The following CHD1L variants were observed in gnomAD, a reference collection of about 807,000 sequenced individuals.
CHD1L encodes the protein chromodomain helicase DNA binding protein 1 like.
A neutral mutation model predicts 115.9 loss-of-function variants in CHD1L; 118 were observed. That is an observed-to-expected ratio of 1.02 (90% CI 0.88 to 1.19). The LOEUF (loss-of-function observed/expected upper bound fraction) is 1.19, where lower values mean the gene tolerates loss of function less well. Ranked by LOEUF, CHD1L falls within the 50% of genes most tolerant of loss-of-function variation. CHD1L has a pLI of 0.00. For missense variants in CHD1L, 1,179 were observed against 1,065.3 expected (o/e 1.11, Z -1.49); for synonymous variants, 411 against 387.1 (o/e 1.06, Z -0.72).
the CHD1L span, among the ~76,000 whole-genome samples, chr1:147,200,485 GAAC>G: frequency 3.9e-5 from 6 of 152,046 alleles, no homozygotes; most frequent in Non-Finnish European, 8.8e-5. Flanking sequence ...CCAGTTTAGA[GAAC>G]AACAGTTGTA....
At chr1:147,193,923 C>T in the CHD1L span, among the ~76,000 whole-genome samples, 1 of 152,044 alleles carries the variant, frequency 6.6e-6, no homozygotes, top group African/African-American at 2.4e-5. Context: ...TGCTTTACTT[C>T]CAACTATGTG....
the CHD1L span, chr1:147,201,558 C>T: frequency 2.0e-3 from 2,811 of 1,414,462 alleles, 55 homozygotes; most frequent in African/African-American, 0.034. Context: ...GAAATCAGTA[C>T]CACATAAGTA....
chr1:147,264,558 A>G lies in CHD1L; in HGVS notation c.713A>G (p.Gln238Arg). ...EEVGDFIQRY[Q>R]DIEKESESAS... ...GTGGGAGATTTTATTCAACGCTACC[A>G]GGATATTGAGAAAGAATCTGAGTCA... The change falls in exon 7 of 23, where the codon CAG becomes CGG. Residue 238 changes from glutamine (Q) to arginine (R), a missense_variant. Coordinates refer to ENST00000369258, the MANE Select transcript of CHD1L (RefSeq NM_004284.6). 6.2e-7 allele frequency: 1 copy of G among 1,613,656 alleles called. No homozygotes were observed. The highest frequency in any genetic ancestry group is 8.5e-7 in the Non-Finnish European group (1 of 1,179,810).
chr1:147,173,886 A>C, the CHD1L span, among the ~76,000 whole-genome samples: 1 of 152,240 alleles, frequency 6.6e-6, no homozygotes, highest in Admixed American at 6.5e-5. Flanking sequence ...TACCTTATAC[A>C]GAGTAGGCTT....
intron 1 of CHD1L, among the ~76,000 whole-genome samples, chr1:147,244,471 A>G (rs587667685): frequency 1.3e-5 from 1 of 78,958 alleles, no homozygotes; most frequent in Admixed American, 1.6e-4. Context: ...GAGTTGGTTA[A>G]AAAAATTCTT....
chr1:147,291,709 G>A (rs115314159), intron 20 of CHD1L, among the ~76,000 whole-genome samples, 157 bp downstream of exon 20: 2,552 of 152,198 alleles, frequency 0.017, 67 homozygotes, highest in African/African-American at 0.058. Flanking sequence ...CAACAGAAAT[G>A]TATTTCCTTA....
chr1:147,255,977 A>G lies in CHD1L; in HGVS notation c.462+50A>G, dbSNP rs1553940096. 5 of 1,257,270 alleles carry G rather than the reference A, an allele frequency of 4.0e-6. No homozygotes were observed. In the South Asian group the frequency reaches 6.7e-5, roughly 17 times the overall value. The allele number at this position is 1,257,270 out of a possible 1,614,324, so 77.9% of individuals were successfully genotyped here. On this transcript the variant is annotated intron_variant, in intron 4 of 22. Coordinates refer to ENST00000369258, the MANE Select transcript of CHD1L (RefSeq NM_004284.6). ...AGAACTCCTAACCTGTGACCTTAGA[A>G]GTTGTAGAGTCTGCTGAAATTATAT...
intron 2 of CHD1L, among the ~76,000 whole-genome samples, chr1:147,253,509 A>T (rs1295352125): frequency 6.6e-6 from 1 of 152,112 alleles, no homozygotes; most frequent in Non-Finnish European, 1.5e-5. Flanking sequence ...TGCATGATTG[A>T]ACTTTTGTTT....
At position 147,271,003 on chromosome 1, in the gene CHD1L, G is replaced by A. The variant is rs782687691; in HGVS notation, c.1157G>A (p.Arg386Lys). The change falls in exon 11 of 23, where the codon AGA becomes AAA. Residue 386 changes from arginine to lysine, a missense_variant and splice_region_variant. Physicochemically the swap from Arg to Lys is conservative, Grantham distance 26. Transcript: ENST00000369258. Reference sequence around the variant, plus strand: ...ATTCTCCAAGACTATATGGATTACAGAGGTGACACCTTTTGGCCACTACAT... The same window carrying A: ...ATTCTCCAAGACTATATGGATTACAAAGGTGACACCTTTTGGCCACTACAT... ...LDILQDYMDY[R>K]GYSYERVDGS... is the part of the protein sequence containing the mutation. 51 of 1,613,612 alleles carry A rather than the reference G, an allele frequency of 3.2e-5. No individual in the cohort carries two copies. In the South Asian group the frequency reaches 5.1e-4, roughly 16 times the overall value.
intron 12 of CHD1L, among the ~76,000 whole-genome samples, chr1:147,274,562 G>A (rs1373329139): frequency 5.3e-5 from 8 of 152,156 alleles, no homozygotes; most frequent in Non-Finnish European, 1.0e-4. Context: ...GAGGGAGTCT[G>A]TTTTGTACTT....
the CHD1L span, among the ~76,000 whole-genome samples, chr1:147,236,844 C>T: frequency 6.6e-6 from 1 of 152,208 alleles, no homozygotes; most frequent in Non-Finnish European, 1.5e-5. Flanking sequence ...CATAGGCACC[C>T]AGATAAAACA....
intron 16 of CHD1L, among the ~76,000 whole-genome samples, chr1:147,285,093 A>G (rs1377931361): frequency 2.0e-5 from 3 of 152,202 alleles, no homozygotes; most frequent in Non-Finnish European, 2.9e-5. Context: ...AACCATGCCA[A>G]TGCTAGGGCT....
At chr1:147,192,890 G>A in the CHD1L span, among the ~76,000 whole-genome samples, 1 of 152,154 alleles carries the variant, frequency 6.6e-6, no homozygotes, top group Non-Finnish European at 1.5e-5. Context: ...TAAGCTTTTT[G>A]ATGAGCTGCT....
intron 1 of CHD1L, 185 bp downstream of exon 1, chr1:147,243,015 TGC>T (rs1665277019): frequency 3.1e-6 from 2 of 653,802 alleles, no homozygotes; most frequent in Non-Finnish European, 4.3e-6. Context: ...GGCCCCCGCC[TGC>T]GCGGCGCGCG....
intron 21 of CHD1L, among the ~76,000 whole-genome samples, chr1:147,294,160 G>C (rs1456805500): frequency 6.6e-6 from 1 of 152,106 alleles, no homozygotes; most frequent in African/African-American, 2.4e-5. Flanking sequence ...GAGAATCTTT[G>C]CTTATTTTAA....
chr1:147,283,367 T>C (rs1272482530), intron 15 of CHD1L, among the ~76,000 whole-genome samples: 1 of 152,218 alleles, frequency 6.6e-6, no homozygotes, highest in Non-Finnish European at 1.5e-5. Context: ...TTCACAAATA[T>C]TGTGAAAATA....
At chr1:147,226,570 T>C in the CHD1L span, among the ~76,000 whole-genome samples, 7 of 152,180 alleles carry the variant, frequency 4.6e-5, no homozygotes, top group Non-Finnish European at 1.0e-4. Flanking sequence ...TTTCAGGCAC[T>C]GGGTTAGAAC....
intron 5 of CHD1L, 183 bp from the exon 6 acceptor site, chr1:147,259,654 C>T: frequency 1.9e-6 from 1 of 522,910 alleles, no homozygotes; most frequent in Middle Eastern, 5.3e-4. Context: ...GGTTTTACTA[C>T]CTTATCCAGA....
chr1:147,271,398 G>A (rs377452253), intron 11 of CHD1L, among the ~76,000 whole-genome samples: 1 of 152,174 alleles, frequency 6.6e-6, no homozygotes, highest in East Asian at 1.9e-4. Flanking sequence ...AAATTATAGA[G>A]ATAACAAATA....
Sources: gnomAD v4.1 joint callset for allele counts (sites outside exome capture counted in the v4.1 genomes callset) on GRCh38, gnomAD v4.1.1 for gene constraint, MANE v1.5 for transcripts, NCBI Gene and HGNC (gene_info 2026-07-23, HGNC 2026-07-21) for gene names.